Variants in IGF2BP2 observed in about 807,000 individuals in gnomAD.
IGF2BP2 encodes insulin-like growth factor 2 mRNA-binding protein 2.
A neutral mutation model predicts 75.8 loss-of-function variants in IGF2BP2; 17 were observed. The ratio of observed to expected loss-of-function variants is 0.22; its 90% CI spans 0.15 to 0.34. The LOEUF is 0.34. Ranked by LOEUF, IGF2BP2 falls within the 10% of genes least tolerant of loss-of-function variation. The pLI is 1.00. For synonymous variants in IGF2BP2, 288 were observed against 295.6 expected (o/e 0.97, Z 0.26); for missense variants, 516 against 772.4 (o/e 0.67, Z 3.93).
At chr3:185,816,846 T>C (rs549943068) in intron 2 of IGF2BP2, among the ~76,000 whole-genome samples, 1 of 152,178 alleles carries the variant, frequency 6.6e-6, no homozygotes, top group Admixed American at 6.5e-5. Flanking sequence ...TGTTTAAATA[T>C]CAATACATGA....
At chr3:185,669,516 C>T (rs1718185782) in intron 10 of IGF2BP2, among the ~76,000 whole-genome samples, 1 of 133,458 alleles carries the variant, frequency 7.5e-6, no homozygotes, top group Non-Finnish European at 1.6e-5. Context: ...CTCCCTGCTT[C>T]TTAAACACTA....
At position 185,645,730 on chromosome 3, in the gene IGF2BP2, T is replaced by G. The variant is rs955547768; in HGVS notation, c.1708-107A>C. ...TGGGGCTTGGGGATGAAGGGTGGAA[T>G]GCTCAGACAAGCATCATCTACCCAC... On this transcript the variant is annotated intron_variant, in intron 15 of 15. Transcript: ENST00000382199. The surrounding 1 kb of genome is among the most constrained non-coding windows in gnomAD (Gnocchi z 4.9). The G allele has an allele frequency of 1.0e-5, 8 of 790,618 alleles. No individual in the cohort carries two copies. Among genetic ancestry groups the G allele is most frequent in the Non-Finnish European group, 1.8e-5 (8 of 455,226 alleles). The allele number at this position is 790,618 out of a possible 1,614,324, so 49.0% of individuals were successfully genotyped here. A position where few individuals can be genotyped will look rare whatever the true frequency, so the allele number is the denominator to read the frequency against.
chr3:185,698,460 A>C, intron 2 of IGF2BP2, 113 bp from the exon 3 acceptor site: 1 of 926,476 alleles, frequency 1.1e-6, no homozygotes, highest in Non-Finnish European at 1.7e-6. Flanking sequence ...TGTGTTCACC[A>C]TGGCATCAAC....
intron 2 of IGF2BP2, among the ~76,000 whole-genome samples, chr3:185,750,162 C>T (rs531406261): frequency 6.6e-6 from 1 of 152,290 alleles, no homozygotes; most frequent in African/African-American, 2.4e-5. Context: ...GAGGACCACA[C>T]TGAGAATCAC....
intron 7 of IGF2BP2, among the ~76,000 whole-genome samples, chr3:185,683,372 C>T (rs565708617): frequency 1.3e-4 from 20 of 152,144 alleles, no homozygotes; most frequent in African/African-American, 4.8e-4. Flanking sequence ...TGTGAATATA[C>T]TTAAGACTAC....
intron 2 of IGF2BP2, among the ~76,000 whole-genome samples, chr3:185,746,078 C>T (rs559314003): frequency 2.6e-5 from 4 of 152,242 alleles, no homozygotes; most frequent in South Asian, 2.1e-4. Context: ...ATTATAAGGA[C>T]CCCAGAGATA....
At chr3:185,790,866 A>C (rs1274164451) in intron 2 of IGF2BP2, among the ~76,000 whole-genome samples, 1 of 152,256 alleles carries the variant, frequency 6.6e-6, no homozygotes, top group African/African-American at 2.4e-5. Context: ...AGAAGTAAGA[A>C]TTACTGTCTA....
intron 10 of IGF2BP2, among the ~76,000 whole-genome samples, chr3:185,665,205 GA>G (rs1717130422): frequency 8.8e-5 from 13 of 147,260 alleles, no homozygotes; most frequent in African/African-American, 2.8e-4. Context: ...AGAAGGAGAA[GA>G]AGGAGAAGGA....
intron 2 of IGF2BP2, among the ~76,000 whole-genome samples, chr3:185,804,041 G>A (rs894072415): frequency 6.6e-6 from 1 of 151,624 alleles, no homozygotes; most frequent in Non-Finnish European, 1.5e-5. Flanking sequence ...GGTGGATCAC[G>A]AGGTCAGGAG....
intron 12 of IGF2BP2, among the ~76,000 whole-genome samples, chr3:185,656,645 G>C (rs537116741): frequency 1.3e-5 from 2 of 152,338 alleles, no homozygotes; most frequent in Admixed American, 6.5e-5. Flanking sequence ...CTGATAGCTG[G>C]TCTTGGAGCA....
rs549154912 is a variant in IGF2BP2 at position 185,773,562 on chromosome 3, T to C, written c.239+49591A>G. ...CTACTTAGTTAAAAACAGAACAAAA[T>C]AGACTTTAGGTAAGTTTAAATTTCC... On this transcript the variant is annotated intron_variant, in intron 2 of 15. Coordinates refer to ENST00000382199, the MANE Select transcript of IGF2BP2 (RefSeq NM_006548.6). Among the ~76,000 whole-genome samples, 14 of 152,272 alleles carry C rather than the reference T, an allele frequency of 9.2e-5. No individual in the cohort carries two copies. The South Asian group carries it at 1.0e-3, about 11-fold the overall frequency.
intron 11 of IGF2BP2, 126 bp downstream of exon 11, chr3:185,658,215 C>G: frequency 1.1e-6 from 1 of 939,734 alleles, no homozygotes; most frequent in South Asian, 1.4e-5. Context: ...AGGTGTGTCA[C>G]TCCCAGGACA....
chr3:185,711,500 G>C (rs572867585), intron 2 of IGF2BP2, among the ~76,000 whole-genome samples: 93 of 152,216 alleles, frequency 6.1e-4, no homozygotes, highest in African/African-American at 2.2e-3. Flanking sequence ...CATCTGTCTC[G>C]GTTCCTGAGT....
intron 2 of IGF2BP2, among the ~76,000 whole-genome samples, chr3:185,786,723 T>C (rs938625032): frequency 6.6e-6 from 1 of 152,130 alleles, no homozygotes; most frequent in Non-Finnish European, 1.5e-5. Flanking sequence ...TCTCTTCACA[T>C]GGACGCGCGT....
At chr3:185,820,227 TATACAC>T (rs1741172613) in intron 2 of IGF2BP2, among the ~76,000 whole-genome samples, 1 of 91,654 alleles carries the variant, frequency 1.1e-5, no homozygotes, top group South Asian at 3.2e-4. Flanking sequence ...TATGTGTATA[TATACAC>T]ATACACACAC....
In IGF2BP2 at chr3:185,658,114, G is replaced by A. The variant is rs1017903393; in HGVS notation, c.1269+227C>T. The stretch of plus-strand genomic sequence containing the variant: ...AGTTCCTGCGACCTGTGAGGTGTGC[G>A]AGCATCCACAGGTGCAACAGCAACG... On this transcript the variant is annotated intron_variant, in intron 11 of 15. Transcript: ENST00000382199. Among the ~76,000 whole-genome samples the A allele has an allele frequency of 2.6e-5, 4 of 152,268 alleles. No homozygotes were observed. In the East Asian group the frequency reaches 7.7e-4, roughly 29 times the overall value.
Position 185,647,281 on chromosome 3 carries a change from C to T in IGF2BP2, c.1594-143G>A. The T allele has an allele frequency of 1.5e-6, 1 of 664,090 alleles. No homozygotes were observed. Among genetic ancestry groups the T allele is most frequent in the Non-Finnish European group, 2.7e-6 (1 of 367,788 alleles). The allele number at this position is 664,090 out of a possible 1,614,324, so 41.1% of individuals were successfully genotyped here. ...CTCTCCTTTCCTTTTATCAAGGACA[C>T]CCCGGGGGCTCCTCTGCCCCTGAGC... is the stretch of plus-strand genomic sequence containing the variant. On this transcript the variant is annotated intron_variant, in intron 14 of 15. Coordinates refer to ENST00000382199, the MANE Select transcript of IGF2BP2 (RefSeq NM_006548.6). The surrounding 1 kb of genome is among the most constrained non-coding windows in gnomAD (Gnocchi z 4.9).
chr3:185,673,879 C>T (rs1181684559), intron 9 of IGF2BP2, among the ~76,000 whole-genome samples: 2 of 152,232 alleles, frequency 1.3e-5, no homozygotes, highest in African/African-American at 4.8e-5. Flanking sequence ...TCAGGCCCTT[C>T]TGTAGCTTTT....
chr3:185,794,657 A>T (rs1454314144), intron 2 of IGF2BP2, among the ~76,000 whole-genome samples: 2 of 67,730 alleles, frequency 3.0e-5, no homozygotes, highest in Admixed American at 1.1e-4. Context: ...TCATTGTGAT[A>T]AAAAAAAAAC....
Sources: allele counts gnomAD v4.1 joint callset (sites outside exome capture counted in the v4.1 genomes callset), GRCh38; gene constraint gnomAD v4.1.1; non-coding constraint Gnocchi (gnomAD v3.1); transcripts MANE v1.5; gene names NCBI Gene and HGNC (gene_info 2026-07-23, HGNC 2026-07-21).